Variants in POU6F2 observed in about 807,000 individuals in gnomAD.
POU6F2 encodes the protein POU class 6 homeobox 2, also known as POU domain, class 6, transcription factor 2.
In POU6F2, 31 loss-of-function variants were observed where a neutral mutation model predicts 71.3. That is an observed-to-expected ratio of 0.43 (90% confidence interval 0.33 to 0.59). POU6F2 has a LOEUF of 0.59. Among genes scored for constraint, POU6F2 ranks in the 20% least tolerant of loss-of-function variants. The pLI, the probability that POU6F2 is intolerant of heterozygous loss-of-function variation, is 0.04. For missense variants in POU6F2, 783 were observed against 856.8 expected, an observed-to-expected ratio of 0.91 and a Z score of 1.07; for synonymous variants, 347 against 355.7, an observed-to-expected ratio of 0.98 and a Z score of 0.27.
At chr7:39,401,467 G>C (rs138087310) in intron 5 of POU6F2, among the ~76,000 whole-genome samples, 1 of 152,154 alleles carries the variant, frequency 6.6e-6, no homozygotes, top group Admixed American at 6.5e-5. Flanking sequence ...CATCAACCAC[G>C]TTGTTGAGAT....
chr7:39,310,083 G>A (rs903033767), intron 4 of POU6F2, among the ~76,000 whole-genome samples: 1 of 152,034 alleles, frequency 6.6e-6, no homozygotes, highest in Non-Finnish European at 1.5e-5. Flanking sequence ...CAAAGTTAAG[G>A]TTACTATTGG....
intron 2 of POU6F2, among the ~76,000 whole-genome samples, chr7:39,201,668 T>C (rs1467083470): frequency 1.3e-5 from 2 of 152,190 alleles, no homozygotes; most frequent in African/African-American, 4.8e-5. Context: ...TTTCCTAGGC[T>C]CCTGGTCAGG....
intron 2 of POU6F2, among the ~76,000 whole-genome samples, chr7:39,102,625 T>C (rs1791597140): frequency 3.3e-5 from 5 of 151,700 alleles, no homozygotes; most frequent in Admixed American, 3.3e-4. Context: ...CAGAGGTAAA[T>C]ATATATATAT....
intron 7 of POU6F2, among the ~76,000 whole-genome samples, chr7:39,438,110 A>G (rs1788292649): frequency 6.6e-6 from 1 of 151,818 alleles, no homozygotes. Context: ...CCTACCCCAC[A>G]ACAGGCCCCG....
At chr7:39,127,722 T>C (rs1792169147) in intron 2 of POU6F2, among the ~76,000 whole-genome samples, 1 of 151,906 alleles carries the variant, frequency 6.6e-6, no homozygotes, top group Non-Finnish European at 1.5e-5. Context: ...GTGGGGAAAG[T>C]TTGTTTCGGG....
chr7:39,176,631 A>C (rs1303827210), intron 2 of POU6F2, among the ~76,000 whole-genome samples: 1 of 152,182 alleles, frequency 6.6e-6, no homozygotes, highest in Non-Finnish European at 1.5e-5. Context: ...CTTTTACATC[A>C]TGGCCTTCAA....
At chr7:39,249,346 C>T (rs957349073) in intron 4 of POU6F2, among the ~76,000 whole-genome samples, 5 of 152,172 alleles carry the variant, frequency 3.3e-5, no homozygotes, top group Non-Finnish European at 7.3e-5. Context: ...TGGTCTCTCT[C>T]CTGAGCTCTG....
intron 7 of POU6F2, among the ~76,000 whole-genome samples, chr7:39,446,724 T>TCC: frequency 6.6e-6 from 1 of 152,242 alleles, no homozygotes; most frequent in East Asian, 1.9e-4. Flanking sequence ...CATCCTGTGC[T>TCC]CCATTTGTCA....
At chr7:39,312,072 GA>G (rs1160512535) in intron 4 of POU6F2, among the ~76,000 whole-genome samples, 1 of 151,894 alleles carries the variant, frequency 6.6e-6, no homozygotes, top group Non-Finnish European at 1.5e-5. Flanking sequence ...AGAAGAAAAG[GA>G]ATTGCAGATT....
At chr7:39,335,355 A>G (rs903026057) in intron 4 of POU6F2, among the ~76,000 whole-genome samples, 3 of 152,222 alleles carry the variant, frequency 2.0e-5, no homozygotes, top group Admixed American at 2.0e-4. Flanking sequence ...TGCCTGCAGT[A>G]GGACTGAGGT....
At position 39,070,734 on chromosome 7, in the gene POU6F2, C is replaced by T. The variant is rs1295457559; in HGVS notation, c.106-15126C>T. 2.0e-5 allele frequency among the ~76,000 whole-genome samples: 3 copies of T among 152,202 alleles called. No homozygotes were observed. In the East Asian group the frequency reaches 5.8e-4, roughly 29 times the overall value. On this transcript the variant is annotated intron_variant, in intron 1 of 9. Coordinates refer to ENST00000518318, the MANE Select transcript of POU6F2 (RefSeq NM_001370959.1). The stretch of plus-strand genomic sequence containing the variant: ...GCCCACGGGTCCCTTCACTGTGAGA[C>T]CTCTCTGATCGCCTTATGTAAGTTA...
At chr7:39,068,305 A>G (rs527455629) in intron 1 of POU6F2, among the ~76,000 whole-genome samples, 1 of 152,170 alleles carries the variant, frequency 6.6e-6, no homozygotes, top group African/African-American at 2.4e-5. Context: ...ACATCCCCTA[A>G]CGTGCACAGG....
chr7:39,323,835 A>T (rs755864572), intron 4 of POU6F2, among the ~76,000 whole-genome samples: 1 of 152,126 alleles, frequency 6.6e-6, no homozygotes, highest in Non-Finnish European at 1.5e-5. Flanking sequence ...ACCGCCAGGC[A>T]AGGTGGCTCA....
intron 4 of POU6F2, among the ~76,000 whole-genome samples, chr7:39,280,518 GC>G (rs1472386181): frequency 6.6e-6 from 1 of 152,186 alleles, no homozygotes; most frequent in Non-Finnish European, 1.5e-5. Context: ...CCTTTCCATT[GC>G]TTTCGAAAAT....
chr7:39,209,377 G>A (rs1299762118), intron 4 of POU6F2, among the ~76,000 whole-genome samples: 1 of 152,166 alleles, frequency 6.6e-6, no homozygotes, highest in Non-Finnish European at 1.5e-5. Context: ...ATCTTCAGAA[G>A]TGGGTTGGAG....
chr7:39,045,462 G>C (rs1471713971), intron 1 of POU6F2, among the ~76,000 whole-genome samples: 1 of 151,600 alleles, frequency 6.6e-6, no homozygotes, highest in Non-Finnish European at 1.5e-5. Context: ...TCCAGTATCT[G>C]TTTGCCATAA....
At chr7:39,292,008 A>T (rs1784767164) in intron 4 of POU6F2, among the ~76,000 whole-genome samples, 1 of 142,352 alleles carries the variant, frequency 7.0e-6, no homozygotes, top group South Asian at 2.3e-4. Context: ...TATAGCAGAG[A>T]GGAGGAAATA....
intron 2 of POU6F2, among the ~76,000 whole-genome samples, chr7:39,109,334 C>G (rs1025535237): frequency 1.3e-5 from 2 of 152,174 alleles, no homozygotes; most frequent in African/African-American, 4.8e-5. Context: ...CCACACTCAA[C>G]CAGTTATTAA....
At chr7:39,028,180 A>G (rs1013178254) in intron 1 of POU6F2, among the ~76,000 whole-genome samples, 2 of 152,018 alleles carry the variant, frequency 1.3e-5, no homozygotes, top group Admixed American at 1.3e-4. Flanking sequence ...TTGTTTTTGC[A>G]TATTACATAT....
Sources: gnomAD v4.1 joint callset for allele counts (sites outside exome capture counted in the v4.1 genomes callset) on GRCh38, gnomAD v4.1.1 for gene constraint, MANE v1.5 for transcripts, NCBI Gene and HGNC (gene_info 2026-07-23, HGNC 2026-07-21) for gene names.